Variants in DNASE1 observed in about 807,000 individuals in gnomAD.
The protein encoded by DNASE1 is deoxyribonuclease-1.
In DNASE1, 40 loss-of-function variants were observed where a neutral mutation model predicts 33.9. The ratio of observed to expected loss-of-function variants is 1.18; its 90% CI spans 0.92 to 1.54. DNASE1 has a LOEUF of 1.54. Among genes scored for constraint, DNASE1 ranks in the 40% most tolerant of loss-of-function variants. DNASE1 has a pLI of 0.00. For missense variants in DNASE1, 518 were observed against 372.6 expected (o/e 1.39, Z -3.21); for synonymous variants, 216 against 160.0 (o/e 1.35, Z -2.64).
upstream of DNASE1, among the ~76,000 whole-genome samples, chr16:3,639,165 A>G (rs2041960206): frequency 6.6e-6 from 1 of 151,750 alleles, no homozygotes; most frequent in East Asian, 1.9e-4. Flanking sequence ...CTCTAAATCC[A>G]CCCTTCATTG....
intron 1 of DNASE1, among the ~76,000 whole-genome samples, chr16:3,617,686 C>T (rs1023493861): frequency 4.6e-5 from 7 of 152,156 alleles, no homozygotes; most frequent in Admixed American, 6.5e-5. Flanking sequence ...TGGCTCATGC[C>T]GGTAATCCCA....
At chr16:3,657,843 A>G (rs761458408) in intron 8 of DNASE1, 27 bp downstream of exon 8, 25 of 1,613,840 alleles carry the variant, frequency 1.5e-5, no homozygotes, top group Non-Finnish European at 1.8e-5. Context: ...GCACAGCCAC[A>G]TGAGGATGGG....
intron 1 of DNASE1, among the ~76,000 whole-genome samples, chr16:3,628,602 G>C (rs2041595398): frequency 6.6e-6 from 1 of 151,108 alleles, no homozygotes; most frequent in South Asian, 2.1e-4. Flanking sequence ...GTGTCGCCCA[G>C]GCTGGAGTGC....
At chr16:3,663,601 G>GC (rs774493428) in exon 10 of DNASE1, 1 of 1,610,294 alleles carries the variant, frequency 6.2e-7, no homozygotes. Flanking sequence ...GACCCCGGGG[G>GC]CCTCCAGCCA....
At chr16:3,625,252 GCCGAGATCGTA>G (rs1357173317) in intron 1 of DNASE1, among the ~76,000 whole-genome samples, 1 of 152,066 alleles carries the variant, frequency 6.6e-6, no homozygotes, top group African/African-American at 2.4e-5. Flanking sequence ...GTTACAGTGA[GCCGAGATCGTA>G]CCACTGCATT....
At position 3,655,900 on chromosome 16, in the gene DNASE1, C is replaced by G. The variant is rs2042573731; in HGVS notation, c.199C>G (p.Leu67Val). The part of the protein sequence containing the change: ...ALVQEVRDSH[L>V]TAVGKLLDNL... ...GGTCCAGGAGGTCAGAGACAGCCAC[C>G]TGACTGCCGTGGGGAAGCTGCTGGA... Residue 67 changes from leucine to valine, a missense_variant, in exon 3 of 9, where the codon CTG becomes GTG. Physicochemically the swap from Leu to Val is conservative, Grantham distance 32 (BLOSUM62 1). Transcript: ENST00000246949. The G allele has an allele frequency of 6.2e-7, 1 of 1,614,028 alleles. No individual in the cohort carries two copies. The highest frequency in any genetic ancestry group is 1.1e-5 in the South Asian group (1 of 91,086).
chr16:3,658,839 T>G (rs2042887601), downstream of DNASE1: 1 of 1,613,928 alleles, frequency 6.2e-7, no homozygotes, highest in African/African-American at 1.3e-5. Context: ...TGCGCGCAGC[T>G]GATTCAGCTT....
At chr16:3,631,819 G>A (rs1391593935) in intron 1 of DNASE1, among the ~76,000 whole-genome samples, 2 of 152,088 alleles carry the variant, frequency 1.3e-5, no homozygotes, top group Admixed American at 1.3e-4. Context: ...CACTGTACCC[G>A]GCCATGGATT....
At chr16:3,620,260 A>C (rs1366669204) in intron 1 of DNASE1, among the ~76,000 whole-genome samples, 2 of 152,160 alleles carry the variant, frequency 1.3e-5, no homozygotes, top group East Asian at 3.9e-4. Context: ...CATATTTACC[A>C]CATTACATTC....
upstream of DNASE1, chr16:3,651,535 C>T (rs371302365): frequency 1.3e-4 from 20 of 152,430 alleles, no homozygotes; most frequent in African/African-American, 4.3e-4. Context: ...GTACCCCACT[C>T]ACTCCCCTGA....
At chr16:3,656,248 A>T in intron 4 of DNASE1, 63 bp downstream of exon 4, 2 of 1,541,130 alleles carry the variant, frequency 1.3e-6, no homozygotes, top group Non-Finnish European at 1.8e-6. Context: ...CAGAGCAGGG[A>T]AGTAGTTTGT....
At chr16:3,624,087 G>T (rs1301384187) in intron 1 of DNASE1, among the ~76,000 whole-genome samples, 1 of 151,952 alleles carries the variant, frequency 6.6e-6, no homozygotes, top group Non-Finnish European at 1.5e-5. Context: ...GACCAGCCTG[G>T]CCAACATGGT....
chr16:3,624,435 C>T (rs1257976029), intron 1 of DNASE1, among the ~76,000 whole-genome samples: 2 of 152,168 alleles, frequency 1.3e-5, no homozygotes, highest in Non-Finnish European at 2.9e-5. Flanking sequence ...GCTCTAGGCA[C>T]TGGGTTAGCG....
At chr16:3,635,060 C>G (rs915508715) in intron 1 of DNASE1, among the ~76,000 whole-genome samples, 1 of 151,880 alleles carries the variant, frequency 6.6e-6, no homozygotes, top group Admixed American at 6.6e-5. Context: ...TGGACTAAAG[C>G]TATCCTGCCT....
At chr16:3,664,433 G>A (rs760132629) in exon 10 of DNASE1, 70 of 1,611,956 alleles carry the variant, frequency 4.3e-5, no homozygotes, top group South Asian at 1.4e-4. Flanking sequence ...CCGAGGACTC[G>A]TAGCGCAGCA....
downstream of DNASE1, chr16:3,658,385 G>A: frequency 1.5e-6 from 1 of 669,004 alleles, no homozygotes; most frequent in Non-Finnish European, 2.5e-6. Context: ...CTCCCAAAGT[G>A]CTGGGATTAC....
intron 1 of DNASE1, among the ~76,000 whole-genome samples, chr16:3,646,840 G>C (rs2042186676): frequency 6.6e-6 from 1 of 152,128 alleles, no homozygotes. Context: ...AGGGTGCATG[G>C]TGCGGGCGGG....
At chr16:3,653,733 G>A (rs1429641396), upstream of DNASE1, 2 of 135,730 alleles carry the variant, frequency 1.5e-5, no homozygotes, top group Non-Finnish European at 3.1e-5. Context: ...CTTGAACCCA[G>A]GAAGCAGAGG....
At position 3,635,797 on chromosome 16, in the gene DNASE1, C is replaced by T. The variant is rs1289641013; in HGVS notation, c.-1358-4918C>T. Among the ~76,000 whole-genome samples, 3 of 151,644 alleles carry T rather than the reference C, an allele frequency of 2.0e-5. No individual in the cohort carries two copies. In the East Asian group the frequency reaches 5.8e-4, roughly 29 times the overall value. On this transcript the variant is annotated intron_variant and NMD_transcript_variant, in intron 1 of 11. Coordinates refer to the DNASE1 transcript ENST00000570769. ...CAAAGAAGTGTGATGTAATTCTTAT[C>T]CTTACTCCTTTATAGGAAAGGAATT...
Sources: allele counts gnomAD v4.1 joint callset (sites outside exome capture counted in the v4.1 genomes callset), GRCh38; gene constraint gnomAD v4.1.1; transcripts MANE v1.5; gene names NCBI Gene and HGNC (gene_info 2026-07-23, HGNC 2026-07-21).